Variants in SLC35F1 observed in about 807,000 individuals in gnomAD.
SLC35F1 encodes the protein solute carrier family 35 member F1.
In SLC35F1, 14 loss-of-function variants were observed where a neutral mutation model predicts 48.7. That is an observed-to-expected ratio of 0.29 (90% CI 0.19 to 0.45). SLC35F1 has a LOEUF of 0.45. Ranked by LOEUF, SLC35F1 falls within the 20% of genes least tolerant of loss-of-function variation. The pLI is 1.00. For missense variants in SLC35F1, 404 were observed against 500.0 expected, an observed-to-expected ratio of 0.81 and a Z score of 1.83; for synonymous variants, 190 against 202.2, an observed-to-expected ratio of 0.94 and a Z score of 0.51.
chr6:118,246,072 T>C, intron 3 of SLC35F1, among the ~76,000 whole-genome samples: 1 of 152,294 alleles, frequency 6.6e-6, no homozygotes, highest in South Asian at 2.1e-4. Context: ...CTTCCAGGGA[T>C]ACCGGGCCTG....
intron 1 of SLC35F1, among the ~76,000 whole-genome samples, chr6:118,008,583 G>A (rs1485906398): frequency 6.6e-6 from 1 of 152,194 alleles, no homozygotes; most frequent in Admixed American, 6.5e-5. Flanking sequence ...TGACCTTATG[G>A]AGCCATTTAA....
At chr6:118,211,174 G>A (rs1364403153) in intron 2 of SLC35F1, among the ~76,000 whole-genome samples, 1 of 152,150 alleles carries the variant, frequency 6.6e-6, no homozygotes, top group Admixed American at 6.5e-5. Flanking sequence ...AAAACTGTGA[G>A]AAAATTAAAT....
At chr6:118,072,432 C>T (rs1186842049) in intron 1 of SLC35F1, among the ~76,000 whole-genome samples, 1 of 152,032 alleles carries the variant, frequency 6.6e-6, no homozygotes, top group African/African-American at 2.4e-5. Context: ...GGCGTGGTGG[C>T]AGGCGCCTGT....
chr6:118,252,669 T>G (rs771960039), intron 3 of SLC35F1, among the ~76,000 whole-genome samples: 1 of 152,086 alleles, frequency 6.6e-6, no homozygotes, highest in Non-Finnish European at 1.5e-5. Context: ...TAAAGGTCAT[T>G]GTATGATTAG....
chr6:117,938,586 G>A (rs1475017978), intron 1 of SLC35F1, among the ~76,000 whole-genome samples: 2 of 152,206 alleles, frequency 1.3e-5, no homozygotes, highest in Non-Finnish European at 2.9e-5. Flanking sequence ...GAGTCACTAA[G>A]GCTCCTGAGA....
chr6:118,028,525 G>C (rs982128194), intron 1 of SLC35F1, among the ~76,000 whole-genome samples: 2 of 152,084 alleles, frequency 1.3e-5, no homozygotes, highest in East Asian at 1.9e-4. Flanking sequence ...GACTGGTTTA[G>C]AGCGACCATA....
intron 1 of SLC35F1, among the ~76,000 whole-genome samples, chr6:118,085,769 G>A (rs184491030): frequency 1.6e-4 from 24 of 152,134 alleles, no homozygotes; most frequent in East Asian, 1.2e-3. Context: ...GTTTCTCACC[G>A]TGGAGGAGTT....
chr6:118,246,042 C>T (rs922369971), intron 3 of SLC35F1, among the ~76,000 whole-genome samples: 1 of 152,142 alleles, frequency 6.6e-6, no homozygotes, highest in African/African-American at 2.4e-5. Flanking sequence ...CCTTGTCTCC[C>T]TTCCTCATCT....
intron 3 of SLC35F1, among the ~76,000 whole-genome samples, chr6:118,261,448 A>G (rs920901351): frequency 6.6e-6 from 1 of 152,212 alleles, no homozygotes; most frequent in African/African-American, 2.4e-5. Flanking sequence ...TGCATACACA[A>G]GCATAATAGT....
intron 1 of SLC35F1, among the ~76,000 whole-genome samples, chr6:118,085,758 A>T (rs1271069134): frequency 1.3e-5 from 2 of 151,986 alleles, no homozygotes; most frequent in African/African-American, 4.8e-5. Flanking sequence ...AAAAGTAGGA[A>T]GTTTCTCACC....
At chr6:117,923,719 A>ATATATG (rs1775963063) in intron 1 of SLC35F1, among the ~76,000 whole-genome samples, 4 of 15,602 alleles carry the variant, frequency 2.6e-4, no homozygotes, top group Admixed American at 8.2e-4. Context: ...ACATATATAC[A>ATATATG]TATATACATA....
At chr6:118,219,075 T>C (rs1272425567) in intron 2 of SLC35F1, among the ~76,000 whole-genome samples, 1 of 152,192 alleles carries the variant, frequency 6.6e-6, no homozygotes, top group East Asian at 1.9e-4. Flanking sequence ...CCTTTAGGTT[T>C]TGTCATTGGC....
intron 1 of SLC35F1, among the ~76,000 whole-genome samples, chr6:118,150,082 G>T (rs1429590591): frequency 1.3e-5 from 2 of 152,144 alleles, no homozygotes; most frequent in Admixed American, 1.3e-4. Flanking sequence ...TTAGCTCTGT[G>T]ACCTTGGGCT....
intron 1 of SLC35F1, among the ~76,000 whole-genome samples, chr6:118,046,898 A>G (rs556611823): frequency 6.6e-6 from 1 of 152,206 alleles, no homozygotes; most frequent in South Asian, 2.1e-4. Flanking sequence ...AAATTTCTCA[A>G]TTTTAACATA....
chr6:118,283,416 C>T (rs1582769211), intron 6 of SLC35F1, among the ~76,000 whole-genome samples: 1 of 152,298 alleles, frequency 6.6e-6, no homozygotes, highest in Non-Finnish European at 1.5e-5. Flanking sequence ...TAGCCCACAG[C>T]AGAGTGCTCA....
rs962047860 is a variant in SLC35F1 at position 118,163,025 on chromosome 6, T to C, written c.349+8405T>C. 4.0e-5 allele frequency among the ~76,000 whole-genome samples: 6 copies of C among 151,642 alleles called. No homozygotes were observed. The East Asian group carries it at 9.7e-4, about 25-fold the overall frequency. On this transcript the variant is annotated intron_variant, in intron 2 of 7. Coordinates refer to ENST00000360388, the MANE Select transcript of SLC35F1 (RefSeq NM_001029858.4). ...CAGACTGTAGTGCAGTGGTGCGATC[T>C]CGAGAGGCTCACTGCAACCTCTCCC...
At chr6:118,073,409 C>T (rs983718049) in intron 1 of SLC35F1, among the ~76,000 whole-genome samples, 2 of 152,134 alleles carry the variant, frequency 1.3e-5, no homozygotes, top group African/African-American at 4.8e-5. Flanking sequence ...ATAACTGCCT[C>T]ATAGGGTTGT....
intron 2 of SLC35F1, among the ~76,000 whole-genome samples, chr6:118,220,353 T>C (rs955018288): frequency 5.3e-5 from 8 of 152,032 alleles, no homozygotes; most frequent in African/African-American, 1.9e-4. Context: ...CTTCTAATAT[T>C]ATATTTGTGG....
chr6:118,103,614 G>A (rs552638600), intron 1 of SLC35F1, among the ~76,000 whole-genome samples: 86 of 152,288 alleles, frequency 5.6e-4, no homozygotes, highest in African/African-American at 1.9e-3. Flanking sequence ...TACATGGTGC[G>A]GAATGAATCC....
Sources: allele counts gnomAD v4.1 joint callset (sites outside exome capture counted in the v4.1 genomes callset), GRCh38; gene constraint gnomAD v4.1.1; transcripts MANE v1.5; gene names NCBI Gene and HGNC (gene_info 2026-07-23, HGNC 2026-07-21).